GLIPR1L1: variants seen among roughly 807,000 people sequenced by gnomAD.
GLIPR1L1 encodes the protein GLIPR1-like protein 1.
GLIPR1L1 carries 26 observed loss-of-function variants against 29.9 expected under a neutral mutation model. The ratio of observed to expected loss-of-function variants is 0.87; its 90% CI spans 0.64 to 1.21. The LOEUF is 1.21. Among genes scored for constraint, GLIPR1L1 ranks in the 50% most tolerant of loss-of-function variants. GLIPR1L1 has a pLI of 0.00. For missense variants in GLIPR1L1, 305 were observed against 290.3 expected, an observed-to-expected ratio of 1.05 and a Z score of -0.37; for synonymous variants, 77 against 97.5, an observed-to-expected ratio of 0.79 and a Z score of 1.24.
At chr12:75,335,390 A>G (rs564557251) in intron 1 of GLIPR1L1, among the ~76,000 whole-genome samples, 1 of 152,368 alleles carries the variant, frequency 6.6e-6, no homozygotes, top group African/African-American at 2.4e-5. Context: ...CTATTGAAGA[A>G]TAAGCATAAA....
At chr12:75,346,704 A>T (rs1203953133) in intron 2 of GLIPR1L1, among the ~76,000 whole-genome samples, 1 of 152,184 alleles carries the variant, frequency 6.6e-6, no homozygotes, top group East Asian at 1.9e-4. Flanking sequence ...TTTTGCTGGT[A>T]AATATTTTTT....
intron 1 of GLIPR1L1, among the ~76,000 whole-genome samples, chr12:75,339,651 A>G (rs2041970828): frequency 6.6e-6 from 1 of 152,068 alleles, no homozygotes; most frequent in South Asian, 2.1e-4. Flanking sequence ...TTCATCATGA[A>G]ATATTTGCCC....
intron 1 of GLIPR1L1, among the ~76,000 whole-genome samples, chr12:75,338,590 ATT>A (rs113010335): frequency 0.011 from 1,630 of 148,620 alleles, 20 homozygotes; most frequent in African/African-American, 0.033. Context: ...TGGAAAAGTT[ATT>A]TTTTTTTTCA....
At position 75,346,075 on chromosome 12, in the gene GLIPR1L1, A is replaced by T. The variant is rs570114839; in HGVS notation, c.421-1547A>T. 3.9e-5 allele frequency among the ~76,000 whole-genome samples: 6 copies of T among 152,324 alleles called. No individual in the cohort carries two copies. In the South Asian group the frequency reaches 1.2e-3, roughly 32 times the overall value. ...CATCCAATGTTCATATTAATATTAC[A>T]TCTAGTTTCTTTAATGAAAGCAATA... is the stretch of plus-strand genomic sequence containing the variant. On this transcript the variant is annotated intron_variant, in intron 2 of 5. Coordinates refer to ENST00000378695, the MANE Select transcript of GLIPR1L1 (RefSeq NM_001304964.2).
intron 1 of GLIPR1L1, among the ~76,000 whole-genome samples, chr12:75,340,963 G>T (rs1208324426): frequency 2.0e-5 from 3 of 151,774 alleles, no homozygotes; most frequent in African/African-American, 7.3e-5. Context: ...AAATTGATCA[G>T]TCTTACTTTT....
At chr12:75,347,108 G>C (rs998286463) in intron 2 of GLIPR1L1, among the ~76,000 whole-genome samples, 1 of 151,164 alleles carries the variant, frequency 6.6e-6, no homozygotes, top group African/African-American at 2.4e-5. Flanking sequence ...CTTACAGCAG[G>C]CATCTTTGAA....
intron 4 of GLIPR1L1, among the ~76,000 whole-genome samples, chr12:75,368,698 C>G (rs1168067843): frequency 1.3e-5 from 2 of 151,866 alleles, no homozygotes; most frequent in Non-Finnish European, 2.9e-5. Context: ...TTGTATTAGA[C>G]TCATTTTAAA....
intron 4 of GLIPR1L1, among the ~76,000 whole-genome samples, chr12:75,368,082 G>A (rs2044109192): frequency 6.6e-6 from 1 of 151,742 alleles, no homozygotes; most frequent in Non-Finnish European, 1.5e-5. Context: ...ATTGTAAACT[G>A]TATCAAACGG....
chr12:75,359,313 A>G (rs967038006), intron 3 of GLIPR1L1, among the ~76,000 whole-genome samples: 1 of 127,386 alleles, frequency 7.9e-6, no homozygotes, highest in Admixed American at 8.5e-5. Flanking sequence ...AGCGACATAT[A>G]TGTTGTTCAG....
At chr12:75,362,798 A>G (rs1257510603) in intron 3 of GLIPR1L1, among the ~76,000 whole-genome samples, 1 of 152,210 alleles carries the variant, frequency 6.6e-6, no homozygotes, top group African/African-American at 2.4e-5. Context: ...TACAAAATGA[A>G]GAAATAATCA....
chr12:75,350,550 G>T (rs547040760), intron 3 of GLIPR1L1, among the ~76,000 whole-genome samples: 2 of 152,308 alleles, frequency 1.3e-5, no homozygotes, highest in South Asian at 2.1e-4. Flanking sequence ...CCAGGTGTCA[G>T]AGGGACCCAG....
chr12:75,356,011 A>G (rs979327010), intron 3 of GLIPR1L1, among the ~76,000 whole-genome samples: 4 of 152,132 alleles, frequency 2.6e-5, no homozygotes, highest in African/African-American at 9.7e-5. Flanking sequence ...GCATCAGCAA[A>G]AATAGCTAAC....
At chr12:75,343,626 C>A in intron 1 of GLIPR1L1, 67 bp from the exon 2 acceptor site, 2 of 1,224,792 alleles carry the variant, frequency 1.6e-6, no homozygotes. Context: ...TAGTTGATTA[C>A]AATAATTAGA....
chr12:75,354,536 C>T (rs533023167), intron 3 of GLIPR1L1, among the ~76,000 whole-genome samples: 4 of 152,128 alleles, frequency 2.6e-5, no homozygotes, highest in South Asian at 2.1e-4. Flanking sequence ...GAATCAATAT[C>T]GTGAAAATGG....
chr12:75,341,210 T>A (rs1363134649), intron 1 of GLIPR1L1, among the ~76,000 whole-genome samples: 1 of 152,216 alleles, frequency 6.6e-6, no homozygotes, highest in Non-Finnish European at 1.5e-5. Flanking sequence ...AGGAGTTTAG[T>A]GACTCTATAC....
At chr12:75,350,510 G>A (rs916101085) in intron 3 of GLIPR1L1, among the ~76,000 whole-genome samples, 1 of 152,172 alleles carries the variant, frequency 6.6e-6, no homozygotes, top group Non-Finnish European at 1.5e-5. Context: ...TGCCATCTTT[G>A]CTGTTCTGCC....
At position 75,370,298 on chromosome 12, in the gene GLIPR1L1, A is replaced by G; in HGVS notation, c.*122A>G. 1 of 574,270 alleles carries G rather than the reference A, an allele frequency of 1.7e-6. No homozygotes were observed. The highest frequency in any genetic ancestry group is 3.1e-6 in the Non-Finnish European group (1 of 323,684). 35.6% of individuals were successfully genotyped at this position (574,270 alleles called of 1,614,324 possible). ...TTCTACACTCTTGCCTGATACCTAA[A>G]TTTAATGTTTGTTTTTAACTCAAAA... On this transcript the variant is annotated 3_prime_UTR_variant, in exon 6 of 6. Coordinates refer to ENST00000378695, the MANE Select transcript of GLIPR1L1 (RefSeq NM_001304964.2).
intron 3 of GLIPR1L1, among the ~76,000 whole-genome samples, chr12:75,362,654 A>G (rs984229182): frequency 6.6e-6 from 1 of 152,192 alleles, no homozygotes; most frequent in Non-Finnish European, 1.5e-5. Flanking sequence ...GACTTATACT[A>G]TTAAAAATCA....
intron 1 of GLIPR1L1, among the ~76,000 whole-genome samples, chr12:75,341,335 T>C (rs1455288358): frequency 1.3e-5 from 2 of 152,178 alleles, no homozygotes; most frequent in Admixed American, 1.3e-4. Flanking sequence ...GAACAAACTA[T>C]CAACACATGT....
Sources: allele counts gnomAD v4.1 joint callset (sites outside exome capture counted in the v4.1 genomes callset), GRCh38; gene constraint gnomAD v4.1.1; transcripts MANE v1.5; gene names NCBI Gene and HGNC (gene_info 2026-07-23, HGNC 2026-07-21).